The following SYNE2 variants were observed in gnomAD, a reference collection of about 807,000 sequenced individuals.
SYNE2 encodes nesprin-2.
In SYNE2, 431 loss-of-function variants were observed where a neutral mutation model predicts 856.3. That is an observed-to-expected ratio of 0.50 (90% CI 0.47 to 0.55). The LOEUF is 0.55. SYNE2 is among the 20% of genes least tolerant of loss of function. SYNE2 has a pLI of 0.00. For synonymous variants in SYNE2, 2,923 were observed against 2,872.3 expected (o/e 1.02, Z -0.56); for missense variants, 8,129 against 8,023.2 (o/e 1.01, Z -0.50).
chr14:63,983,942 C>T (rs1287100885), intron 18 of SYNE2, 56 bp downstream of exon 18: 2 of 1,334,408 alleles, frequency 1.5e-6, no homozygotes, highest in African/African-American at 3.0e-5. Flanking sequence ...TTTAACTTTG[C>T]TATTAAAAAA....
intron 99 of SYNE2, among the ~76,000 whole-genome samples, chr14:64,193,141 C>A (rs138869773): frequency 6.6e-6 from 1 of 152,238 alleles, no homozygotes. Flanking sequence ...ACCTGCTCTG[C>A]GGGATGCCCT....
chr14:64,082,918 A>G (rs574754465), intron 57 of SYNE2, among the ~76,000 whole-genome samples: 1 of 152,298 alleles, frequency 6.6e-6, no homozygotes, highest in South Asian at 2.1e-4. Flanking sequence ...TTCCCACTTG[A>G]GGCCTCGGCT....
chr14:63,800,064 CA>C (rs1276694697), intron 1 of SYNE2, among the ~76,000 whole-genome samples: 30 of 152,088 alleles, frequency 2.0e-4, no homozygotes, highest in Non-Finnish European at 1.5e-5. Context: ...AACAAACAAA[CA>C]AAAACTCTTA....
chr14:63,794,141 T>C (rs1358058655), intron 1 of SYNE2, among the ~76,000 whole-genome samples: 1 of 152,202 alleles, frequency 6.6e-6, no homozygotes, highest in Non-Finnish European at 1.5e-5. Flanking sequence ...TTGACAGAAT[T>C]GAAGTGAGAA....
chr14:64,166,204 T>G (rs1169347400), intron 90 of SYNE2, among the ~76,000 whole-genome samples: 1 of 152,160 alleles, frequency 6.6e-6, no homozygotes, highest in Non-Finnish European at 1.5e-5. Context: ...TAAATAAAAT[T>G]TTGATGGAAC....
intron 2 of SYNE2, among the ~76,000 whole-genome samples, chr14:63,924,442 A>T (rs2095635757): frequency 1.3e-5 from 2 of 152,214 alleles, no homozygotes; most frequent in Admixed American, 1.3e-4. Context: ...TCTGTAGATC[A>T]AGTTGGAAAG....
rs12436178 is a variant in SYNE2 at position 64,056,245 on chromosome 14, C to T, written c.10046C>T (p.Ala3349Val). 4 of 1,614,032 alleles carry T rather than the reference C, an allele frequency of 2.5e-6. No individual in the cohort carries two copies. The Admixed American group carries it at 5.0e-5, about 20-fold the overall frequency. The change falls in exon 49 of 116, where the codon GCA (alanine) becomes GTA (valine). Residue 3349 changes from alanine to valine, a missense_variant. Transcript: ENST00000555002. ...KNSAMKEAFK[A>V]QETEAERYLE... ...TCAGCAATGAAGGAAGCTTTCAAAG[C>T]ACAGGAAACTGAGGCAGAAAGGTAG... is the stretch of plus-strand genomic sequence containing the variant.
At chr14:64,044,420 C>T (rs2097171055) in intron 45 of SYNE2, among the ~76,000 whole-genome samples, 1 of 152,142 alleles carries the variant, frequency 6.6e-6, no homozygotes, top group Admixed American at 6.5e-5. Context: ...GGCAAAGGGA[C>T]TTGCTTTGTC....
At chr14:63,898,842 CT>C (rs1448684013) in intron 1 of SYNE2, among the ~76,000 whole-genome samples, 1 of 152,122 alleles carries the variant, frequency 6.6e-6, no homozygotes, top group Admixed American at 6.5e-5. Flanking sequence ...GAAAAGTTTT[CT>C]TTTAAAACTT....
At chr14:63,984,422 G>T (rs1466711896) in intron 18 of SYNE2, among the ~76,000 whole-genome samples, 1 of 152,204 alleles carries the variant, frequency 6.6e-6, no homozygotes, top group Non-Finnish European at 1.5e-5. Flanking sequence ...GAGCAGTCCT[G>T]ATTCTGAGCA....
rs1171684266 is a variant in SYNE2 at position 64,082,866 on chromosome 14, G to A, written c.11484+1286G>A. On this transcript the variant is annotated intron_variant, in intron 57 of 115. Transcript: ENST00000555002. Reference sequence around the variant, plus strand: ...TGCTGGTACTCCACACATGCCCCACGTGTCCATGCTGGCTTACAAAGTCAA... The same window carrying A: ...TGCTGGTACTCCACACATGCCCCACATGTCCATGCTGGCTTACAAAGTCAA... 2.6e-5 allele frequency among the ~76,000 whole-genome samples: 4 copies of A among 152,126 alleles called. 1 individual carries two copies. Among genetic ancestry groups the A allele is most frequent in the South Asian group, 4.1e-4 (2 of 4,820 alleles).
intron 49 of SYNE2, among the ~76,000 whole-genome samples, chr14:64,057,347 C>T (rs191321627): frequency 2.0e-5 from 3 of 152,228 alleles, no homozygotes; most frequent in Non-Finnish European, 4.4e-5. Flanking sequence ...ATTATTAGAT[C>T]CCACCAATAA....
chr14:64,024,192 G>T, intron 38 of SYNE2, 65 bp from the exon 39 acceptor site: 4 of 1,448,268 alleles, frequency 2.8e-6, no homozygotes, highest in Non-Finnish European at 3.9e-6. Context: ...AAAGTGTCGT[G>T]AGGGTGGCAG....
At chr14:64,178,805 T>A (rs1426448507) in intron 96 of SYNE2, among the ~76,000 whole-genome samples, 1 of 152,160 alleles carries the variant, frequency 6.6e-6, no homozygotes, top group Non-Finnish European at 1.5e-5. Flanking sequence ...GCATGGTGGC[T>A]CACAACTATA....
chr14:63,894,467 C>A (rs1225268752), intron 1 of SYNE2, among the ~76,000 whole-genome samples: 1 of 152,116 alleles, frequency 6.6e-6, no homozygotes, highest in Non-Finnish European at 1.5e-5. Context: ...GGGGATCCTC[C>A]TGCCGTGGCC....
intron 51 of SYNE2, among the ~76,000 whole-genome samples, chr14:64,066,954 C>T (rs1258262011): frequency 6.6e-6 from 1 of 152,230 alleles, no homozygotes; most frequent in African/African-American, 2.4e-5. Flanking sequence ...AACCTTGGAA[C>T]CTGGCTAGGG....
chr14:64,089,780 A>G (rs1164786464), intron 59 of SYNE2, 84 bp downstream of exon 59: 1 of 1,213,398 alleles, frequency 8.2e-7, no homozygotes, highest in Admixed American at 1.9e-5. Context: ...GATTTAAAAA[A>G]GCATTTAGTC....
rs1455057320 is a variant in SYNE2, at chr14:63,997,320, G to C, written c.3172G>C (p.Glu1058Gln). Residue 1058 changes from glutamate to glutamine, a missense_variant, in exon 25 of 116, where the codon GAG becomes CAG. Glu to Gln is a conservative substitution (Grantham distance 29, BLOSUM62 2). This residue lies in a region of SYNE2 where 2,422 missense variants were observed against 2,357.4 expected (regional missense o/e 1.03). Coordinates refer to ENST00000555002, the MANE Select transcript of SYNE2 (RefSeq NM_182914.3). ...TTCTAGGGGGACCATCACCACATCT[G>C]AGAATAGAGGAGGGGATCCCCACAG... ...SKNEGTITTS[E>Q]NRGGDPHSEA... The C allele has an allele frequency of 6.2e-7, 1 of 1,613,532 alleles. No homozygotes were observed. The highest frequency in any genetic ancestry group is 2.2e-5 in the East Asian group (1 of 44,870).
chr14:64,187,777 T>C (rs2098499590), intron 97 of SYNE2, among the ~76,000 whole-genome samples: 1 of 152,234 alleles, frequency 6.6e-6, no homozygotes, highest in African/African-American at 2.4e-5. Context: ...GCTAAGATTC[T>C]GAAGATTCTT....
Sources: gnomAD v4.1 joint callset for allele counts (sites outside exome capture counted in the v4.1 genomes callset) on GRCh38, gnomAD v4.1.1 for gene constraint, gnomAD v4.1.1 regional missense constraint, MANE v1.5 for transcripts, NCBI Gene and HGNC (gene_info 2026-07-23, HGNC 2026-07-21) for gene names.